The following ITGA9 variants were observed in gnomAD, a reference collection of about 807,000 sequenced individuals.
The protein encoded by ITGA9 is integrin alpha-9.
In ITGA9, 56 loss-of-function variants were observed where a neutral mutation model predicts 127.8. The ratio of observed to expected loss-of-function variants is 0.44; its 90% CI spans 0.35 to 0.55. The LOEUF is 0.55. Ranked by LOEUF, ITGA9 falls within the 20% of genes least tolerant of loss-of-function variation. The pLI is 0.00. For synonymous variants in ITGA9, 508 were observed against 514.5 expected (o/e 0.99, Z 0.17); for missense variants, 1,196 against 1,347.1 (o/e 0.89, Z 1.76).
chr3:37,682,025 C>T (rs753429932), intron 17 of ITGA9, among the ~76,000 whole-genome samples: 1 of 152,158 alleles, frequency 6.6e-6, no homozygotes, highest in Admixed American at 6.5e-5. Context: ...TGTTGCCTGT[C>T]GTGTTTTCAT....
chr3:37,600,666 C>A (rs1222964497), intron 15 of ITGA9, among the ~76,000 whole-genome samples: 1 of 152,200 alleles, frequency 6.6e-6, no homozygotes. Flanking sequence ...TCATGACTCA[C>A]TGTGATCTAC....
At chr3:37,731,799 A>G (rs984989624) in intron 18 of ITGA9, among the ~76,000 whole-genome samples, 2 of 152,160 alleles carry the variant, frequency 1.3e-5, no homozygotes, top group Admixed American at 6.5e-5. Context: ...GAATAATAAG[A>G]TATGTATAAT....
rs188018496 is a variant in ITGA9 at position 37,813,337 on chromosome 3, G to C, written c.3010-5554G>C. Reference sequence around the variant, plus strand: ...ACTTGGGGATTATTTGTACTTGTTAGATCATCAAATTCAGAGTCACTATCT... The same window carrying C: ...ACTTGGGGATTATTTGTACTTGTTACATCATCAAATTCAGAGTCACTATCT... On this transcript the variant is annotated intron_variant, in intron 27 of 27. Coordinates refer to ENST00000264741, the MANE Select transcript of ITGA9 (RefSeq NM_002207.3). Among the ~76,000 whole-genome samples, 567 of 152,312 alleles carry C rather than the reference G, an allele frequency of 3.7e-3. 5 individuals carry two copies. Among genetic ancestry groups the C allele is most frequent in the Admixed American group, 7.5e-3 (115 of 15,308 alleles).
intron 2 of ITGA9, among the ~76,000 whole-genome samples, chr3:37,472,257 A>G (rs1698439057): frequency 1.3e-5 from 2 of 152,350 alleles, no homozygotes; most frequent in South Asian, 2.1e-4. Context: ...GAGAAGATTA[A>G]GTGAGATAAT....
chr3:37,723,721 T>C (rs1012432788), intron 18 of ITGA9, among the ~76,000 whole-genome samples: 8 of 152,216 alleles, frequency 5.3e-5, no homozygotes, highest in East Asian at 1.9e-4. Context: ...GTAGGCTGCA[T>C]GTGCTGCGAC....
chr3:37,741,907 A>G (rs966711176), intron 21 of ITGA9, 88 bp downstream of exon 21: 4 of 1,052,446 alleles, frequency 3.8e-6, no homozygotes, highest in Middle Eastern at 2.2e-4. Flanking sequence ...GTAGCCAGCC[A>G]GGAGCCAAGG....
At chr3:37,501,463 C>T (rs779683960) in intron 5 of ITGA9, among the ~76,000 whole-genome samples, 1 of 152,106 alleles carries the variant, frequency 6.6e-6, no homozygotes, top group South Asian at 2.1e-4. Flanking sequence ...ATAAAATACA[C>T]TATTTTAAAT....
rs576096622 is a variant in ITGA9, at chr3:37,617,577, T to C, written c.1690-11610T>C. Among the ~76,000 whole-genome samples, 77 of 152,308 alleles carry C rather than the reference T, an allele frequency of 5.1e-4. 1 individual carries two copies. In the South Asian group the frequency reaches 5.2e-3, roughly 10 times the overall value. ...GAGTGTTTTCCAACTTGGTTCCATT[T>C]TCCCCGTCACTTTCAGGTACACCAA... On this transcript the variant is annotated intron_variant, in intron 15 of 27. Transcript: ENST00000264741.
rs545267686 is a variant in ITGA9, at chr3:37,452,823, G to C, written c.185+264G>C. On this transcript the variant is annotated intron_variant, in intron 1 of 27. Transcript: ENST00000264741. This position sits in a 1 kb window ranked among gnomAD's most constrained non-coding sequence, Gnocchi z 7.3. ...CCTGGGGTCCCAGCCCAGAGCGTGG[G>C]GGGAGAGCCGCTAGAGTTGTCTCCT... Among the ~76,000 whole-genome samples, 2 of 152,178 alleles carry C rather than the reference G, an allele frequency of 1.3e-5. No homozygotes were observed. The highest frequency in any genetic ancestry group is 2.9e-5 in the Non-Finnish European group (2 of 68,012).
intron 4 of ITGA9, 93 bp from the exon 5 acceptor site, chr3:37,494,408 T>C (rs897023715): frequency 4.0e-5 from 35 of 884,210 alleles, no homozygotes; most frequent in South Asian, 3.5e-4. Flanking sequence ...GCGGCACTCG[T>C]GGGAAGTGGC....
rs1208757711 is a variant in ITGA9, at chr3:37,585,694, A to G, written c.1689+43109A>G. 1.4e-5 allele frequency: 7 copies of G among 506,496 alleles called. No homozygotes were observed. In the East Asian group the frequency reaches 4.1e-4, roughly 30 times the overall value. The allele number at this position is 506,496 out of a possible 1,614,324, so 31.4% of individuals were successfully genotyped here. On this transcript the variant is annotated intron_variant, in intron 15 of 27. Transcript: ENST00000264741. ...ACAAGGAAACTACAGGTGAAACGTA[A>G]CAATAGTAATTGCCTTACTTTATTT...
intron 23 of ITGA9, among the ~76,000 whole-genome samples, chr3:37,755,506 G>A (rs1264719514): frequency 6.6e-6 from 1 of 152,176 alleles, no homozygotes; most frequent in Non-Finnish European, 1.5e-5. Context: ...CAAGACTGAT[G>A]TCTTCAGAGC....
At chr3:37,545,418 G>A (rs1394470649) in intron 15 of ITGA9, among the ~76,000 whole-genome samples, 1 of 151,846 alleles carries the variant, frequency 6.6e-6, no homozygotes, top group African/African-American at 2.4e-5. Flanking sequence ...GCCATATATG[G>A]TGATAAGTGA....
intron 15 of ITGA9, among the ~76,000 whole-genome samples, chr3:37,623,341 T>G (rs1003681433): frequency 2.0e-4 from 30 of 152,246 alleles, no homozygotes; most frequent in African/African-American, 7.2e-4. Flanking sequence ...AGCCCTGAGC[T>G]CTTAAGTTTT....
At position 37,779,967 on chromosome 3, in the gene ITGA9, A is replaced by G. The variant is rs753798568; in HGVS notation, c.2733A>G (p.Glu911=). Residue 911 remains glutamate (E), a synonymous_variant, in exon 25 of 28, where the codon GAA becomes GAG. Coordinates refer to ENST00000264741, the MANE Select transcript of ITGA9 (RefSeq NM_002207.3). ...GTAACTTTAGTGCTCTTGCTAAAGA[A>G]GAAAGTCGTACTATAGACATTTACA... ...AHCNFSALAK[E]ESRTIDIYML... 3 of 1,614,044 alleles carry G rather than the reference A, an allele frequency of 1.9e-6. No individual in the cohort carries two copies. The highest frequency in any genetic ancestry group is 2.5e-6 in the Non-Finnish European group (3 of 1,179,872).
chr3:37,528,700 G>A (rs752777022), intron 13 of ITGA9, among the ~76,000 whole-genome samples: 3 of 152,102 alleles, frequency 2.0e-5, no homozygotes, highest in East Asian at 1.9e-4. Context: ...AGCTCCTACC[G>A]CATGCCTGGC....
intron 15 of ITGA9, among the ~76,000 whole-genome samples, chr3:37,584,953 C>A (rs1427912244): frequency 6.6e-6 from 1 of 152,052 alleles, no homozygotes; most frequent in Non-Finnish European, 1.5e-5. Context: ...TGACCTTCCC[C>A]TCTGCCTTTT....
Position 37,481,479 on chromosome 3 carries a change from T to C in ITGA9, c.421-5T>C, listed in dbSNP as rs779432065. On this transcript the variant is annotated splice_polypyrimidine_tract_variant and splice_region_variant and intron_variant, in intron 3 of 27. Transcript: ENST00000264741. ...CCTGCTCTCAACTGCTCTCTATCCC[T>C]TTAGGCCTGTGCTCATCGCTGGAAG... is the stretch of plus-strand genomic sequence containing the variant. The C allele has an allele frequency of 5.6e-6, 9 of 1,614,156 alleles. No homozygotes were observed. Among genetic ancestry groups the C allele is most frequent in the Non-Finnish European group, 7.6e-6 (9 of 1,180,026 alleles).
At chr3:37,810,409 C>A (rs1013798809) in intron 27 of ITGA9, among the ~76,000 whole-genome samples, 5 of 151,892 alleles carry the variant, frequency 3.3e-5, no homozygotes, top group Non-Finnish European at 7.4e-5. Flanking sequence ...CAACAGCCCT[C>A]ACCTAGTCTG....
Sources: gnomAD v4.1 joint callset for allele counts (sites outside exome capture counted in the v4.1 genomes callset) on GRCh38, gnomAD v4.1.1 for gene constraint, Gnocchi (gnomAD v3.1) non-coding constraint, MANE v1.5 for transcripts, NCBI Gene and HGNC (gene_info 2026-07-23, HGNC 2026-07-21) for gene names.